Variants in GUCA1C observed in about 807,000 individuals in gnomAD.
GUCA1C encodes guanylate cyclase activator 1C.
A neutral mutation model predicts 16.2 loss-of-function variants in GUCA1C; 15 were observed. The observed-to-expected ratio is 0.93, with a 90% CI of 0.62 to 1.43. The LOEUF (loss-of-function observed/expected upper bound fraction) is 1.43, where lower values mean the gene tolerates loss of function less well. GUCA1C is among the 40% of genes most tolerant of loss of function. GUCA1C has a pLI of 0.00. For missense variants in GUCA1C, 275 were observed against 244.8 expected (o/e 1.12, Z -0.82); for synonymous variants, 78 against 85.4 (o/e 0.91, Z 0.48).
At chr3:108,914,807 T>C (rs1182044892) in intron 3 of GUCA1C, among the ~76,000 whole-genome samples, 1 of 152,226 alleles carries the variant, frequency 6.6e-6, no homozygotes, top group African/African-American at 2.4e-5. Context: ...AAAGTCTTCA[T>C]TGTCCTCATC....
intron 3 of GUCA1C, among the ~76,000 whole-genome samples, 188 bp from the exon 4 acceptor site, chr3:108,908,397 T>C (rs1223463371): frequency 6.8e-6 from 1 of 147,378 alleles, no homozygotes; most frequent in Non-Finnish European, 1.5e-5. Context: ...GTGTTGCCAA[T>C]GAAAATAAAG....
chr3:108,910,930 G>A (rs1234333115), intron 3 of GUCA1C, among the ~76,000 whole-genome samples: 2 of 152,064 alleles, frequency 1.3e-5, no homozygotes, highest in Non-Finnish European at 2.9e-5. Context: ...GATTACAGGC[G>A]TGAGCCACCG....
At chr3:108,928,252 G>T (rs745611132) in intron 1 of GUCA1C, among the ~76,000 whole-genome samples, 1 of 152,212 alleles carries the variant, frequency 6.6e-6, no homozygotes, top group Non-Finnish European at 1.5e-5. Context: ...CTGAGCAGGA[G>T]CTGCAAGCTA....
intron 3 of GUCA1C, among the ~76,000 whole-genome samples, chr3:108,915,644 G>A (rs138639205): frequency 6.6e-6 from 1 of 152,280 alleles, no homozygotes; most frequent in Non-Finnish European, 1.5e-5. Flanking sequence ...GGAGGCAAGT[G>A]TGGACTCTTC....
intron 1 of GUCA1C, among the ~76,000 whole-genome samples, chr3:108,940,830 A>G (rs1946778539): frequency 6.6e-6 from 1 of 152,218 alleles, no homozygotes; most frequent in South Asian, 2.1e-4. Flanking sequence ...CAACTGCATT[A>G]TTTCACATGA....
At chr3:108,933,989 A>G (rs1315774335) in intron 1 of GUCA1C, among the ~76,000 whole-genome samples, 1 of 152,246 alleles carries the variant, frequency 6.6e-6, no homozygotes, top group Non-Finnish European at 1.5e-5. Context: ...ACCATGGAAT[A>G]CTATACAGCC....
intron 3 of GUCA1C, among the ~76,000 whole-genome samples, chr3:108,909,810 C>T (rs1946430135): frequency 6.6e-6 from 1 of 151,554 alleles, no homozygotes; most frequent in Non-Finnish European, 1.5e-5. Flanking sequence ...AACCACTTAC[C>T]ATAAAAAAAA....
chr3:108,912,122 A>AATAATAATAATCATCATCATC lies in GUCA1C; in HGVS notation c.443-3914_443-3913insGATGATGATGATTATTATTAT, dbSNP rs762101057. ...CCGTCTCAATAATAATAATAATAAT[A>AATAATAATAATCATCATCATC]ATCACCCTTTTCATTTCCTGTTTGG... On this transcript the variant is annotated intron_variant, in intron 3 of 3. Transcript: ENST00000261047. Among the ~76,000 whole-genome samples, 10 of 147,744 alleles carry AATAATAATAATCATCATCATC rather than the reference A, an allele frequency of 6.8e-5. No homozygotes were observed. In the South Asian group the frequency reaches 1.1e-3, roughly 16 times the overall value.
At chr3:108,911,426 C>G (rs1946451818) in intron 3 of GUCA1C, among the ~76,000 whole-genome samples, 1 of 152,146 alleles carries the variant, frequency 6.6e-6, no homozygotes, top group Middle Eastern at 3.4e-3. Context: ...TTCATTATAA[C>G]TTCATAAAAT....
chr3:108,945,179 G>C (rs1259234333), intron 1 of GUCA1C, among the ~76,000 whole-genome samples: 2 of 152,220 alleles, frequency 1.3e-5, no homozygotes, highest in East Asian at 3.8e-4. Context: ...GCTTAGGTGA[G>C]AATAGTGCAG....
chr3:108,911,561 A>C (rs1200991109), intron 3 of GUCA1C, among the ~76,000 whole-genome samples: 1 of 152,194 alleles, frequency 6.6e-6, no homozygotes, highest in Non-Finnish European at 1.5e-5. Context: ...GTTTATTAGC[A>C]AGGTGGCACT....
At chr3:108,925,148 T>G (rs897507335) in intron 1 of GUCA1C, among the ~76,000 whole-genome samples, 8 of 152,100 alleles carry the variant, frequency 5.3e-5, no homozygotes, top group African/African-American at 1.9e-4. Flanking sequence ...GCTCTGATCT[T>G]CATTATTTAT....
At chr3:108,926,244 C>T (rs1214472704) in intron 1 of GUCA1C, among the ~76,000 whole-genome samples, 1 of 152,176 alleles carries the variant, frequency 6.6e-6, no homozygotes, top group Non-Finnish European at 1.5e-5. Flanking sequence ...AGAACAGCTA[C>T]TCCTGCTCGC....
At chr3:108,914,759 A>C (rs1318174561) in intron 3 of GUCA1C, among the ~76,000 whole-genome samples, 2 of 152,208 alleles carry the variant, frequency 1.3e-5, no homozygotes, top group East Asian at 1.9e-4. Context: ...GCATTTCTCC[A>C]GTTCGATGAC....
At chr3:108,922,020 A>G (rs1274263740) in intron 1 of GUCA1C, among the ~76,000 whole-genome samples, 1 of 152,048 alleles carries the variant, frequency 6.6e-6, no homozygotes, top group Non-Finnish European at 1.5e-5. Flanking sequence ...GAGAACAGAC[A>G]TTGTTTGGTT....
chr3:108,921,367 C>G (rs144666298), intron 1 of GUCA1C, among the ~76,000 whole-genome samples: 1 of 152,094 alleles, frequency 6.6e-6, no homozygotes, highest in Non-Finnish European at 1.5e-5. Flanking sequence ...ATTTTGGTTG[C>G]TTCCAGATTT....
At chr3:108,931,703 T>C (rs973807984) in intron 1 of GUCA1C, among the ~76,000 whole-genome samples, 1 of 152,070 alleles carries the variant, frequency 6.6e-6, no homozygotes, top group Admixed American at 6.6e-5. Flanking sequence ...AAAAAAATTA[T>C]TGTTTTCAGT....
At chr3:108,946,738 A>C (rs1274830369) in intron 1 of GUCA1C, among the ~76,000 whole-genome samples, 1 of 152,106 alleles carries the variant, frequency 6.6e-6, no homozygotes, top group Non-Finnish European at 1.5e-5. Flanking sequence ...ATTCTACAGA[A>C]CCAATGACTC....
At chr3:108,940,753 T>C (rs994653351) in intron 1 of GUCA1C, among the ~76,000 whole-genome samples, 3 of 152,240 alleles carry the variant, frequency 2.0e-5, no homozygotes, top group South Asian at 4.1e-4. Context: ...GTCAGAGTTA[T>C]CTGCATTTTA....
Sources: allele counts gnomAD v4.1 joint callset (sites outside exome capture counted in the v4.1 genomes callset), GRCh38; gene constraint gnomAD v4.1.1; transcripts MANE v1.5; gene names NCBI Gene and HGNC (gene_info 2026-07-23, HGNC 2026-07-21).